CELSR2: variants seen among roughly 807,000 people sequenced by gnomAD.
CELSR2 encodes cadherin EGF LAG seven-pass G-type receptor 2, also known as EGF-like protein 2.
CELSR2 carries 81 observed loss-of-function variants against 251.6 expected under a neutral mutation model. That is an observed-to-expected ratio of 0.32 (90% confidence interval 0.27 to 0.39). The LOEUF (loss-of-function observed/expected upper bound fraction) is 0.39, where lower values mean the gene tolerates loss of function less well. Ranked by LOEUF, CELSR2 falls within the 10% of genes least tolerant of loss-of-function variation. CELSR2 has a pLI of 1.00. For missense variants in CELSR2, 3,365 were observed against 3,947.7 expected (o/e 0.85, Z 3.96); for synonymous variants, 1,721 against 1,670.5 (o/e 1.03, Z -0.74).
intron 15 of CELSR2, among the ~76,000 whole-genome samples, chr1:109,266,825 T>G (rs1484932140): frequency 2.0e-5 from 3 of 151,512 alleles, no homozygotes; most frequent in Admixed American, 1.3e-4. Context: ...GTTCAAGCGA[T>G]TCTCCTACCT....
intron 11 of CELSR2, 35 bp from the exon 12 acceptor site, chr1:109,264,833 G>C: frequency 7.4e-6 from 12 of 1,613,472 alleles, no homozygotes; most frequent in East Asian, 2.2e-5. Flanking sequence ...AGGGGAGGGT[G>C]GGGGAATGAG....
chr1:109,253,558 A>T (rs1570776623), intron 1 of CELSR2, among the ~76,000 whole-genome samples, 169 bp downstream of exon 1: 1 of 152,090 alleles, frequency 6.6e-6, no homozygotes, highest in Non-Finnish European at 1.5e-5. Context: ...AGCCCCAGGA[A>T]CCCTGGCGGC....
chr1:109,256,356 G>C (rs533243853), intron 1 of CELSR2, among the ~76,000 whole-genome samples: 1 of 152,164 alleles, frequency 6.6e-6, no homozygotes, highest in Non-Finnish European at 1.5e-5. Flanking sequence ...TGACAAGCAG[G>C]CTTGCTGGTG....
rs549354116 is a variant in CELSR2 at position 109,273,466 on chromosome 1, T to A, written c.8540T>A (p.Ile2847Asn). ...CTTAAGAAGAAGTGTCTGCCCACCA[T>A]CAGCGAGAAGAGCAGCCTCCTGCGG... ...GILKKKCLPT[I>N]SEKSSLLRLP... The change falls in exon 33 of 34, where the codon ATC (isoleucine) becomes AAC (asparagine). Residue 2847 changes from isoleucine to asparagine, a missense_variant. By Grantham distance (149) the Ile-to-Asn change is moderately radical. Coordinates refer to ENST00000271332, the MANE Select transcript of CELSR2 (RefSeq NM_001408.3). The A allele has an allele frequency of 1.2e-6, 2 of 1,612,510 alleles. No homozygotes were observed. The highest frequency in any genetic ancestry group is 1.1e-5 in the South Asian group (1 of 90,888).
rs1655923941 is a variant in CELSR2, at chr1:109,258,489, A to T, written c.3368A>T (p.Glu1123Val). Residue 1123 changes from glutamate (E) to valine (V), a missense_variant, in exon 2 of 34, where the codon GAG becomes GTG. Glu to Val is a moderately radical substitution (Grantham distance 121). Transcript: ENST00000271332. ...CALRVTIITDEMLTHSITLRL... is the reference protein window; with the variant it reads ...CALRVTIITDVMLTHSITLRL... ...CTGCGTGTGACCATCATCACCGATGAGATGCTCACCCACAGCATCACGCTG... is the reference window on the plus strand; with the variant it reads ...CTGCGTGTGACCATCATCACCGATGTGATGCTCACCCACAGCATCACGCTG... 18 of 1,603,780 alleles carry T rather than the reference A, an allele frequency of 1.1e-5. No individual in the cohort carries two copies. The highest frequency in any genetic ancestry group is 1.4e-5 in the Non-Finnish European group (17 of 1,175,110).
At chr1:109,267,255 G>C (rs1384259621) in intron 15 of CELSR2, among the ~76,000 whole-genome samples, 1 of 152,136 alleles carries the variant, frequency 6.6e-6, no homozygotes, top group African/African-American at 2.4e-5. Context: ...GCAATGAGCA[G>C]GTTCATAGGC....
Position 109,249,570 on chromosome 1 carries a change from G to T in CELSR2, c.-510G>T, listed in dbSNP as rs1655612000. Among the ~76,000 whole-genome samples the T allele has an allele frequency of 6.7e-6, 1 of 150,048 alleles. No homozygotes were observed. Among genetic ancestry groups the T allele is most frequent in the Non-Finnish European group, 1.5e-5 (1 of 67,462 alleles). ...CTCGCCCGCCCGCCGGGGAGGCGAGGGAGCGCGGGGCTGGGCCCGGGGCCG... is the reference window on the plus strand; with the variant it reads ...CTCGCCCGCCCGCCGGGGAGGCGAGTGAGCGCGGGGCTGGGCCCGGGGCCG... On this transcript the variant is annotated 5_prime_UTR_variant, in exon 1 of 34. Coordinates refer to ENST00000271332, the MANE Select transcript of CELSR2 (RefSeq NM_001408.3).
Position 109,271,244 on chromosome 1 carries a change from G to A in CELSR2, c.7624G>A (p.Ala2542Thr), listed in dbSNP as rs749800581. ...GAGTGTCTTCCTGTACATCCTGGCG[G>A]CCCGGGCCTCCTGTGCTGCCCAGCG... ...SMSVFLYILA[A>T]RASCAAQRQG... Residue 2542 changes from alanine (A) to threonine (T), a missense_variant, in exon 26 of 34, where the codon GCC becomes ACC. Physicochemically the swap from Ala to Thr is moderately conservative, Grantham distance 58. Around this residue, in one of 5 missense-constraint regions of CELSR2, gnomAD observed 2,093 missense variants for 2,382.8 expected, o/e 0.88. Transcript: ENST00000271332. The A allele has an allele frequency of 1.4e-5, 23 of 1,614,040 alleles. 1 individual carries two copies. The South Asian group carries it at 2.4e-4, about 17-fold the overall frequency.
At position 109,258,501 on chromosome 1, in the gene CELSR2, A is replaced by G; in HGVS notation, c.3380A>G (p.His1127Arg). 3 of 1,602,312 alleles carry G rather than the reference A, an allele frequency of 1.9e-6. No individual in the cohort carries two copies. Among genetic ancestry groups the G allele is most frequent in the Non-Finnish European group, 2.6e-6 (3 of 1,174,396 alleles). The change falls in exon 2 of 34, where the codon CAC becomes CGC. Residue 1127 changes from histidine (H) to arginine (R), a missense_variant. Around this residue, in one of 5 missense-constraint regions of CELSR2, gnomAD observed 505 missense variants for 660.0 expected, o/e 0.77. Coordinates refer to ENST00000271332, the MANE Select transcript of CELSR2 (RefSeq NM_001408.3). ...ATCATCACCGATGAGATGCTCACCC[A>G]CAGCATCACGCTGCGCCTGGAGGAC... ...VTIITDEMLT[H>R]SITLRLEDMS...
chr1:109,268,522 A>G, intron 17 of CELSR2, 59 bp from the exon 18 acceptor site: 1 of 1,537,902 alleles, frequency 6.5e-7, no homozygotes, highest in Non-Finnish European at 8.8e-7. Flanking sequence ...CCGGGGCTCC[A>G]TGGTGGGGAT....
rs756829533 is a variant in CELSR2 at position 109,265,802 on chromosome 1, T to C, written c.5795T>C (p.Leu1932Ser). 32 of 1,613,928 alleles carry C rather than the reference T, an allele frequency of 2.0e-5. No individual in the cohort carries two copies. The Admixed American group carries it at 2.7e-4, about 13-fold the overall frequency. The change falls in exon 14 of 34, where the codon TTG (leucine) becomes TCG (serine). Residue 1932 changes from leucine (L) to serine (S), a missense_variant. Leu to Ser is a moderately radical substitution (Grantham distance 145). Coordinates refer to ENST00000271332, the MANE Select transcript of CELSR2 (RefSeq NM_001408.3). ...LLCDCYPTGS[L>S]SRVCDPEDGQ... Reference sequence around the variant, plus strand: ...TGTGACTGCTACCCCACAGGCTCCTTGTCCAGAGTCTGTGACCCTGAGGAT... The same window carrying C: ...TGTGACTGCTACCCCACAGGCTCCTCGTCCAGAGTCTGTGACCCTGAGGAT...
Position 109,269,276 on chromosome 1 carries a change from C to T in CELSR2, c.6798C>T (p.Asp2266=), listed in dbSNP as rs1226106836. Residue 2266 remains aspartate (D), a synonymous_variant, in exon 20 of 34, where the codon GAC becomes GAT. Coordinates refer to ENST00000271332, the MANE Select transcript of CELSR2 (RefSeq NM_001408.3). This position sits in a 1 kb window ranked among gnomAD's most constrained non-coding sequence, Gnocchi z 6.4. ...AGLLPHNYDP[D]KRSLRVPKRP... ...TACTGCCTCATAACTATGACCCTGACAAGCGCAGCTTGAGGTCAGCAGCTA... is the reference window on the plus strand; with the variant it reads ...TACTGCCTCATAACTATGACCCTGATAAGCGCAGCTTGAGGTCAGCAGCTA... 5 of 1,613,348 alleles carry T rather than the reference C, an allele frequency of 3.1e-6. No homozygotes were observed. The highest frequency in any genetic ancestry group is 4.2e-6 in the Non-Finnish European group (5 of 1,179,988).
chr1:109,268,078 C>A lies in CELSR2; in HGVS notation c.6318+18C>A. The A allele has an allele frequency of 6.3e-7, 1 of 1,578,924 alleles. No individual in the cohort carries two copies. Among genetic ancestry groups the A allele is most frequent in the South Asian group, 1.1e-5 (1 of 90,026 alleles). ...TCACTGAGGTGGGGCTTGGAGGATG[C>A]AGGGCTGGCTGGTTAGATAGGGGTC... On this transcript the variant is annotated intron_variant, in intron 17 of 33. Transcript: ENST00000271332.
Position 109,273,121 on chromosome 1 carries a change from G to C in CELSR2, c.8339-45G>C, listed in dbSNP as rs529266217. 17 of 1,599,216 alleles carry C rather than the reference G, an allele frequency of 1.1e-5. No individual in the cohort carries two copies. The South Asian group carries it at 1.8e-4, about 17-fold the overall frequency. ...GCAGGACTGGGGTGGTGGCCTCCTG[G>C]CTATCTGCCCTCTGTGGGCCTCATC... On this transcript the variant is annotated intron_variant, in intron 31 of 33. Coordinates refer to ENST00000271332, the MANE Select transcript of CELSR2 (RefSeq NM_001408.3).
rs375165006 is a variant in CELSR2, at chr1:109,265,865, A to G, written c.5858A>G (p.Gln1953Arg). ...TGCAAGCCAGGTGTCATCGGGCGTC[A>G]GTGTGACCGCTGTGACAACCCTTTT... is the stretch of plus-strand genomic sequence containing the variant. ...CPCKPGVIGR[Q>R]CDRCDNPFAE... Residue 1953 changes from glutamine to arginine, a missense_variant, in exon 14 of 34, where the codon CAG (glutamine) becomes CGG (arginine). Gln to Arg is a conservative substitution (Grantham distance 43). This residue lies in a region of CELSR2 where 2,093 missense variants were observed against 2,382.8 expected (regional missense o/e 0.88). Coordinates refer to ENST00000271332, the MANE Select transcript of CELSR2 (RefSeq NM_001408.3). 2.5e-6 allele frequency: 4 copies of G among 1,613,980 alleles called. No individual in the cohort carries two copies. The highest frequency in any genetic ancestry group is 3.4e-6 in the Non-Finnish European group (4 of 1,180,000).
Position 109,261,302 on chromosome 1 carries a change from G to T in CELSR2, c.4181+38G>T. On this transcript the variant is annotated intron_variant, in intron 3 of 33. Transcript: ENST00000271332. This position sits in a 1 kb window ranked among gnomAD's most constrained non-coding sequence, Gnocchi z 4.8. Reference sequence around the variant, plus strand: ...GCACTGGGGGTGGGGAGTGGGCCTGGTGGGCATCTGAGGTGCCTCCTGTTC... The same window carrying T: ...GCACTGGGGGTGGGGAGTGGGCCTGTTGGGCATCTGAGGTGCCTCCTGTTC... 2 of 1,586,274 alleles carry T rather than the reference G, an allele frequency of 1.3e-6. No homozygotes were observed. The highest frequency in any genetic ancestry group is 1.7e-6 in the Non-Finnish European group (2 of 1,159,862).
In CELSR2 at chr1:109,252,436, C is replaced by A. The variant is rs1245121282; in HGVS notation, c.2357C>A (p.Thr786Asn). The A allele has an allele frequency of 1.9e-6, 3 of 1,613,598 alleles. No individual in the cohort carries two copies. The highest frequency in any genetic ancestry group is 1.3e-5 in the African/African-American group (1 of 75,068). ...EDQVSYTLAI[T>N]ARDNGIPQKS... ...CAAGTGTCTTACACCCTGGCCATTA[C>A]TGCTCGGGACAATGGCATTCCCCAG... Residue 786 changes from threonine (T) to asparagine (N), a missense_variant, in exon 1 of 34, where the codon ACT (threonine) becomes AAT (asparagine). By Grantham distance (65) the Thr-to-Asn change is moderately conservative (BLOSUM62 0). Coordinates refer to ENST00000271332, the MANE Select transcript of CELSR2 (RefSeq NM_001408.3). The surrounding 1 kb of genome is among the most constrained non-coding windows in gnomAD (Gnocchi z 4.8).
At chr1:109,265,105 C>G in intron 12 of CELSR2, 86 bp from the exon 13 acceptor site, 1 of 1,593,242 alleles carries the variant, frequency 6.3e-7, no homozygotes, top group East Asian at 2.2e-5. Context: ...GATCCACAGC[C>G]AGGGTCAGAA....
chr1:109,273,688 G>C lies in CELSR2; in HGVS notation c.8744+18G>C. The C allele has an allele frequency of 7.1e-7, 1 of 1,400,682 alleles. No individual in the cohort carries two copies. Among genetic ancestry groups the C allele is most frequent in the Non-Finnish European group, 9.5e-7 (1 of 1,051,150 alleles). The allele number at this position is 1,400,682 out of a possible 1,614,324, so 86.8% of individuals were successfully genotyped here. On this transcript the variant is annotated intron_variant, in intron 33 of 33. Coordinates refer to ENST00000271332, the MANE Select transcript of CELSR2 (RefSeq NM_001408.3). ...GGCTCCGAGTGAGTGTGGCCGGGTG[G>C]GCGGGACGGGGTGCAGCCCCTCGGA...
Sources: allele counts gnomAD v4.1 joint callset (sites outside exome capture counted in the v4.1 genomes callset), GRCh38; gene constraint gnomAD v4.1.1; regional missense constraint gnomAD v4.1.1; non-coding constraint Gnocchi (gnomAD v3.1); transcripts MANE v1.5; gene names NCBI Gene and HGNC (gene_info 2026-07-23, HGNC 2026-07-21).